CNOT6L: variants seen among roughly 807,000 people sequenced by gnomAD.
CNOT6L encodes the protein CCR4-NOT transcription complex subunit 6-like.
CNOT6L carries 7 observed loss-of-function variants against 64.0 expected under a neutral mutation model. The ratio of observed to expected loss-of-function variants is 0.11; its 90% CI spans 0.06 to 0.21. CNOT6L has a LOEUF of 0.21. Ranked by LOEUF, CNOT6L falls within the 10% of genes least tolerant of loss-of-function variation. The pLI is 1.00. For missense variants in CNOT6L, 245 were observed against 669.0 expected (o/e 0.37, Z 6.99); for synonymous variants, 193 against 243.4 (o/e 0.79, Z 1.93).
At chr4:77,752,738 CATAA>C (rs1724987933) in intron 5 of CNOT6L, among the ~76,000 whole-genome samples, 1 of 151,066 alleles carries the variant, frequency 6.6e-6, no homozygotes, top group African/African-American at 2.4e-5. Context: ...AATATTTATA[CATAA>C]ATATATACAT....
chr4:77,761,557 G>A (rs916083767), intron 4 of CNOT6L, among the ~76,000 whole-genome samples: 4 of 152,166 alleles, frequency 2.6e-5, no homozygotes, highest in Non-Finnish European at 4.4e-5. Context: ...AACTTCCAGA[G>A]AGTATTTGTC....
At chr4:77,763,302 G>T (rs1726448616) in intron 4 of CNOT6L, among the ~76,000 whole-genome samples, 1 of 152,014 alleles carries the variant, frequency 6.6e-6, no homozygotes, top group African/African-American at 2.4e-5. Flanking sequence ...ACAAAAGGTT[G>T]AAAGTAAATG....
At chr4:77,741,129 A>G (rs1426982413) in intron 8 of CNOT6L, among the ~76,000 whole-genome samples, 1 of 152,236 alleles carries the variant, frequency 6.6e-6, no homozygotes, top group East Asian at 1.9e-4. Context: ...AGAATTTAGT[A>G]TATTCTGACC....
At chr4:77,772,295 C>T (rs1311270916) in intron 4 of CNOT6L, among the ~76,000 whole-genome samples, 2 of 151,982 alleles carry the variant, frequency 1.3e-5, no homozygotes, top group South Asian at 2.1e-4. Flanking sequence ...CACAGTGGCG[C>T]GATCTCGGCT....
rs1157454624 is a variant in CNOT6L at position 77,718,245 on chromosome 4, T to G, written c.*2186A>C. 1 of 152,524 alleles carries G rather than the reference T, an allele frequency of 6.6e-6. No individual in the cohort carries two copies. Among genetic ancestry groups the G allele is most frequent in the African/African-American group, 2.4e-5 (1 of 41,428 alleles). 9.4% of individuals were successfully genotyped at this position (152,524 alleles called of 1,614,324 possible). ...TATATGAAAGGAGGAAAATGTTTTG[T>G]TAGTGCATATACCTCCAGAGCAGAA... On this transcript the variant is annotated 3_prime_UTR_variant, in exon 12 of 12. Transcript: ENST00000504123.
At chr4:77,820,012 C>G (rs1734105646), upstream of CNOT6L, among the ~76,000 whole-genome samples, 4 of 152,078 alleles carry the variant, frequency 2.6e-5, no homozygotes, top group Non-Finnish European at 2.9e-5. Context: ...GAGAGCCACG[C>G]AGAGCCTGGC....
rs867802922 is a variant in CNOT6L at position 77,718,036 on chromosome 4, A to T, written c.*2395T>A. 41 of 151,346 alleles carry T rather than the reference A, an allele frequency of 2.7e-4. No individual in the cohort carries two copies. Among genetic ancestry groups the T allele is most frequent in the Middle Eastern group, 6.8e-3 (2 of 294 alleles). The allele number at this position is 151,346 out of a possible 1,614,324, so 9.4% of individuals were successfully genotyped here. ...ACTTAAGCTGTTTACAATGTTTCCC[A>T]TTTTTTTTTATTTTTTCCCTCTACA... On this transcript the variant is annotated 3_prime_UTR_variant, in exon 12 of 12. Coordinates refer to ENST00000504123, the MANE Select transcript of CNOT6L (RefSeq NM_144571.3).
chr4:77,716,083 C>T lies in CNOT6L; in HGVS notation c.*4348G>A, dbSNP rs959506344. On this transcript the variant is annotated 3_prime_UTR_variant, in exon 12 of 12. Transcript: ENST00000504123. ...ACATGGTATGACTCAAAGGGAAAGG[C>T]GTAAATGAATCTACTACACATTAGA... is the stretch of plus-strand genomic sequence containing the variant. 10 of 151,822 alleles carry T rather than the reference C, an allele frequency of 6.6e-5. No homozygotes were observed. The highest frequency in any genetic ancestry group is 1.9e-4 in the African/African-American group (8 of 41,340). 9.4% of individuals were successfully genotyped at this position (151,822 alleles called of 1,614,324 possible). A position where few individuals can be genotyped will look rare whatever the true frequency, so the allele number is the denominator to read the frequency against.
At chr4:77,731,574 A>G in intron 8 of CNOT6L, 36 bp from the exon 9 acceptor site, 1 of 1,397,448 alleles carries the variant, frequency 7.2e-7, no homozygotes, top group African/African-American at 1.5e-5. Flanking sequence ...AGGTACCTAG[A>G]CTATCATGCT....
intron 1 of CNOT6L, among the ~76,000 whole-genome samples, chr4:77,817,049 G>A (rs1368080899): frequency 6.6e-6 from 1 of 151,978 alleles, no homozygotes; most frequent in Non-Finnish European, 1.5e-5. Context: ...AGCATTTTTC[G>A]TAGCATTTAA....
rs982703423 is a variant in CNOT6L, at chr4:77,715,324, A to G, written c.*5107T>C. On this transcript the variant is annotated 3_prime_UTR_variant, in exon 12 of 12. Coordinates refer to ENST00000504123, the MANE Select transcript of CNOT6L (RefSeq NM_144571.3). ...ATGACATACTTCTAAAATGCAGTTC[A>G]ATGCTACTCAGTTTATACAATGTAC... The G allele has an allele frequency of 1.3e-5, 2 of 152,116 alleles. No homozygotes were observed. The highest frequency in any genetic ancestry group is 4.8e-5 in the African/African-American group (2 of 41,432). The allele number at this position is 152,116 out of a possible 1,614,324, so 9.4% of individuals were successfully genotyped here.
chr4:77,760,797 C>T (rs1726117654), intron 4 of CNOT6L, among the ~76,000 whole-genome samples: 1 of 145,616 alleles, frequency 6.9e-6, no homozygotes, highest in South Asian at 2.2e-4. Context: ...CCCAGGTTCA[C>T]GCCATTCTCC....
chr4:77,734,783 C>T, intron 8 of CNOT6L, among the ~76,000 whole-genome samples: 1 of 152,056 alleles, frequency 6.6e-6, no homozygotes, highest in Middle Eastern at 3.2e-3. Context: ...TTCTATTTTT[C>T]TATTGGATCT....
At chr4:77,812,480 G>T (rs1733071617) in intron 1 of CNOT6L, among the ~76,000 whole-genome samples, 1 of 149,556 alleles carries the variant, frequency 6.7e-6, no homozygotes, top group African/African-American at 2.5e-5. Context: ...AAGAAATTCA[G>T]CAAGGTTGGA....
intron 11 of CNOT6L, among the ~76,000 whole-genome samples, chr4:77,722,474 A>G (rs904499864): frequency 6.6e-6 from 1 of 152,112 alleles, no homozygotes; most frequent in African/African-American, 2.4e-5. Context: ...AAGGCCCAAG[A>G]ATTGCTTTAA....
chr4:77,809,103 C>G (rs1254604492), intron 1 of CNOT6L, among the ~76,000 whole-genome samples: 1 of 152,098 alleles, frequency 6.6e-6, no homozygotes, highest in Non-Finnish European at 1.5e-5. Flanking sequence ...GGAATATTAT[C>G]TCCCTATTAC....
At chr4:77,749,494 T>C (rs1039147144) in intron 5 of CNOT6L, among the ~76,000 whole-genome samples, 2 of 152,310 alleles carry the variant, frequency 1.3e-5, no homozygotes, top group East Asian at 1.9e-4. Context: ...AAAATCTACC[T>C]AAGCTGGCTT....
intron 8 of CNOT6L, among the ~76,000 whole-genome samples, chr4:77,738,188 T>C (rs1316692708): frequency 1.3e-5 from 2 of 152,176 alleles, no homozygotes; most frequent in East Asian, 1.9e-4. Flanking sequence ...CCCAATCCTA[T>C]GATAAGAGAT....
In CNOT6L at chr4:77,717,954, A is replaced by G. The variant is rs1720917872; in HGVS notation, c.*2477T>C. Reference sequence around the variant, plus strand: ...GTTTGAAAGAGCGCATTTGAAGCAGAGAGAACCCAATTACACACCTTCCTG... The same window carrying G: ...GTTTGAAAGAGCGCATTTGAAGCAGGGAGAACCCAATTACACACCTTCCTG... On this transcript the variant is annotated 3_prime_UTR_variant, in exon 12 of 12. Coordinates refer to ENST00000504123, the MANE Select transcript of CNOT6L (RefSeq NM_144571.3). 6.6e-6 allele frequency: 1 copy of G among 152,592 alleles called. No homozygotes were observed. Among genetic ancestry groups the G allele is most frequent in the South Asian group, 2.1e-4 (1 of 4,834 alleles). 9.5% of individuals were successfully genotyped at this position (152,592 alleles called of 1,614,324 possible). A position where few individuals can be genotyped will look rare whatever the true frequency, so the allele number is the denominator to read the frequency against.
Sources: gnomAD v4.1 joint callset for allele counts (sites outside exome capture counted in the v4.1 genomes callset) on GRCh38, gnomAD v4.1.1 for gene constraint, MANE v1.5 for transcripts, NCBI Gene and HGNC (gene_info 2026-07-23, HGNC 2026-07-21) for gene names.